Variants in MICU2 observed in about 807,000 individuals in gnomAD.
MICU2 encodes mitochondrial calcium uptake 2, also known as calcium uptake protein 2, mitochondrial.
Under a neutral mutation model 60.4 loss-of-function variants are expected in MICU2, and 64 were observed. The observed-to-expected ratio is 1.06, with a 90% CI of 0.87 to 1.31. The LOEUF (loss-of-function observed/expected upper bound fraction) is 1.31. MICU2 is among the 50% of genes most tolerant of loss of function. The pLI is 0.00. For missense variants in MICU2, 569 were observed against 531.0 expected, an observed-to-expected ratio of 1.07 and a Z score of -0.70; for synonymous variants, 201 against 175.0, an observed-to-expected ratio of 1.15 and a Z score of -1.17.
At chr13:21,516,642 T>C (rs1265215916) in intron 6 of MICU2, among the ~76,000 whole-genome samples, 2 of 152,204 alleles carry the variant, frequency 1.3e-5, no homozygotes, top group Non-Finnish European at 2.9e-5. Flanking sequence ...CAAAGTGAAT[T>C]CTGGTTTCTT....
rs564257392 is a variant in MICU2, at chr13:21,498,654, C to A, written c.934-2494G>T. ...TCAGCCTCCCAAAGTGCTGGGATTACAGGCGTGAGCCACCGCGCCTGGCTA... is the reference window on the plus strand; with the variant it reads ...TCAGCCTCCCAAAGTGCTGGGATTAAAGGCGTGAGCCACCGCGCCTGGCTA... On this transcript the variant is annotated intron_variant, in intron 9 of 11. Transcript: ENST00000382374. Among the ~76,000 whole-genome samples, 5 of 152,136 alleles carry A rather than the reference C, an allele frequency of 3.3e-5. No homozygotes were observed. In the South Asian group the frequency reaches 1.0e-3, roughly 32 times the overall value.
At chr13:21,572,822 A>G (rs576146763) in intron 1 of MICU2, among the ~76,000 whole-genome samples, 46 of 152,234 alleles carry the variant, frequency 3.0e-4, no homozygotes, top group Non-Finnish European at 4.8e-4. Flanking sequence ...TATTACAACC[A>G]ATCAACAGGC....
intron 1 of MICU2, among the ~76,000 whole-genome samples, chr13:21,599,375 A>C (rs1741788811): frequency 6.6e-6 from 1 of 152,270 alleles, no homozygotes; most frequent in African/African-American, 2.4e-5. Context: ...GAACAACAGA[A>C]TAAGTCTGTC....
intron 2 of MICU2, 83 bp downstream of exon 2, chr13:21,566,714 A>T (rs1887990746): frequency 8.7e-7 from 1 of 1,152,650 alleles, no homozygotes; most frequent in Non-Finnish European, 1.2e-6. Context: ...AAATGAAGAA[A>T]AGCTGTTATC....
chr13:21,518,640 T>G (rs561849787), intron 6 of MICU2, among the ~76,000 whole-genome samples: 1 of 152,330 alleles, frequency 6.6e-6, no homozygotes, highest in South Asian at 2.1e-4. Context: ...TCTCACAGCT[T>G]AACTAACCTA....
At chr13:21,597,353 G>A (rs1252701327) in intron 1 of MICU2, among the ~76,000 whole-genome samples, 1 of 152,102 alleles carries the variant, frequency 6.6e-6, no homozygotes, top group Non-Finnish European at 1.5e-5. Context: ...ATGTCTCTAT[G>A]GCTCTAAGTG....
intron 2 of MICU2, among the ~76,000 whole-genome samples, chr13:21,561,273 G>A (rs933371128): frequency 1.3e-5 from 2 of 152,022 alleles, no homozygotes; most frequent in Admixed American, 6.6e-5. Flanking sequence ...TTCTGCTATC[G>A]TTAGGTGAAA....
At chr13:21,526,113 C>T (rs1886849503) in intron 4 of MICU2, among the ~76,000 whole-genome samples, 3 of 110,588 alleles carry the variant, frequency 2.7e-5, no homozygotes, top group Admixed American at 9.7e-5. Flanking sequence ...AATTAAAATA[C>T]TTTTTTTTTT....
chr13:21,503,057 A>G lies in MICU2; in HGVS notation c.802T>C (p.Phe268Leu). 6.2e-7 allele frequency: 1 copy of G among 1,601,708 alleles called. No individual in the cohort carries two copies. The highest frequency in any genetic ancestry group is 2.2e-5 in the East Asian group (1 of 44,778). ...CTCAAACCTTTAGAAAACTGAAGGA[A>G]TTCCATTTCTTGAATCTCTGTTTGT... ...NLQTEIQEME[F>L]LQFSKGLSFM... The change falls in exon 9 of 12, where the codon TTC becomes CTC. Residue 268 changes from phenylalanine to leucine, a missense_variant. Physicochemically the swap from Phe to Leu is conservative, Grantham distance 22. Transcript: ENST00000382374.
At chr13:21,590,290 A>C (rs1888550645) in intron 1 of MICU2, among the ~76,000 whole-genome samples, 1 of 152,180 alleles carries the variant, frequency 6.6e-6, no homozygotes, top group South Asian at 2.1e-4. Context: ...GCCAATATTC[A>C]ACATTCTTAA....
chr13:21,511,925 G>A (rs1206512294), intron 7 of MICU2, among the ~76,000 whole-genome samples: 2 of 151,986 alleles, frequency 1.3e-5, no homozygotes, highest in Non-Finnish European at 2.9e-5. Context: ...TGGTAATGGA[G>A]TCCCACAGTT....
Position 21,493,197 on chromosome 13 carries a change from C to A in MICU2, c.*52G>T. On this transcript the variant is annotated 3_prime_UTR_variant, in exon 12 of 12. Coordinates refer to ENST00000382374, the MANE Select transcript of MICU2 (RefSeq NM_152726.3). ...TAAATAGCAAGTACTTCTAAAAAAT[C>A]ACAAATTTTGACATTTGGAACAATA... The A allele has an allele frequency of 2.3e-6, 3 of 1,292,006 alleles. No homozygotes were observed. Among genetic ancestry groups the A allele is most frequent in the South Asian group, 1.4e-5 (1 of 73,094 alleles). 80.0% of individuals were successfully genotyped at this position (1,292,006 alleles called of 1,614,324 possible).
intron 9 of MICU2, among the ~76,000 whole-genome samples, chr13:21,499,478 C>T (rs1443087432): frequency 1.3e-5 from 2 of 151,618 alleles, no homozygotes; most frequent in Non-Finnish European, 2.9e-5. Context: ...AGCACAATCT[C>T]GGCTCCCTGC....
At chr13:21,501,205 C>G (rs1314883483) in intron 9 of MICU2, among the ~76,000 whole-genome samples, 3 of 151,922 alleles carry the variant, frequency 2.0e-5, no homozygotes, top group African/African-American at 7.3e-5. Context: ...CAGTAACAAA[C>G]TGTTTTAGTT....
chr13:21,493,642 T>C (rs1885917636), intron 11 of MICU2, among the ~76,000 whole-genome samples: 1 of 152,200 alleles, frequency 6.6e-6, no homozygotes, highest in South Asian at 2.1e-4. Context: ...TTCTTTCACA[T>C]ACTGGCTTTA....
At chr13:21,538,343 G>T (rs1462387068) in intron 4 of MICU2, among the ~76,000 whole-genome samples, 1 of 151,890 alleles carries the variant, frequency 6.6e-6, no homozygotes, top group Non-Finnish European at 1.5e-5. Context: ...GCCAAGTCAG[G>T]AGGACTGCTT....
intron 2 of MICU2, among the ~76,000 whole-genome samples, chr13:21,560,623 AAC>A (rs67873561): frequency 0.25 from 33,948 of 134,788 alleles, 4,585 homozygotes; most frequent in East Asian, 0.62. Context: ...CTTGTCAAAA[AAC>A]ACACACACAC....
chr13:21,599,503 T>C lies in MICU2; in HGVS notation c.210+4436A>G, dbSNP rs561490389. ...ATTGTTTTAAAAGCAGCAGTTTACA[T>C]AGAAATAACTGATGTGCTAACATGA... is the stretch of plus-strand genomic sequence containing the variant. On this transcript the variant is annotated intron_variant, in intron 1 of 11. Coordinates refer to ENST00000382374, the MANE Select transcript of MICU2 (RefSeq NM_152726.3). Among the ~76,000 whole-genome samples, 6 of 152,360 alleles carry C rather than the reference T, an allele frequency of 3.9e-5. No homozygotes were observed. The East Asian group carries it at 7.7e-4, about 20-fold the overall frequency.
At chr13:21,563,797 T>C (rs1593346813) in intron 2 of MICU2, among the ~76,000 whole-genome samples, 1 of 147,630 alleles carries the variant, frequency 6.8e-6, no homozygotes, top group Admixed American at 7.0e-5. Flanking sequence ...GTTACACTGA[T>C]GGGCCCAACA....
Sources: allele counts gnomAD v4.1 joint callset (sites outside exome capture counted in the v4.1 genomes callset), GRCh38; gene constraint gnomAD v4.1.1; transcripts MANE v1.5; gene names NCBI Gene and HGNC (gene_info 2026-07-23, HGNC 2026-07-21).